The following GRAMD2B variants were observed in gnomAD, a reference collection of about 807,000 sequenced individuals.
GRAMD2B encodes the protein GRAM domain-containing protein 2B.
Under a neutral mutation model 59.2 loss-of-function variants are expected in GRAMD2B, and 41 were observed. The ratio of observed to expected loss-of-function variants is 0.69; its 90% CI spans 0.54 to 0.90. The LOEUF (loss-of-function observed/expected upper bound fraction) is 0.90. Among genes scored for constraint, GRAMD2B ranks in the 40% least tolerant of loss-of-function variants. The pLI is 0.00. For missense variants in GRAMD2B, 424 were observed against 500.5 expected, an observed-to-expected ratio of 0.85 and a Z score of 1.46; for synonymous variants, 161 against 182.7, an observed-to-expected ratio of 0.88 and a Z score of 0.96.
intron 1 of GRAMD2B, among the ~76,000 whole-genome samples, chr5:126,375,117 T>C (rs1309104391): frequency 3.9e-5 from 6 of 152,202 alleles, no homozygotes; most frequent in African/African-American, 1.4e-4. Context: ...TGCATAAAGA[T>C]CTTACACATC....
rs577197303 is a variant in GRAMD2B at position 126,480,655 on chromosome 5, C to T, written c.683C>T (p.Pro228Leu). ...ENTSVGNSPN[P>L]SSAENSFRAD... ...ACAAGTGTTGGTAACAGTCCCAATC[C>T]ATCTTCTGCTGAAAACAGTTTCCGA... The change falls in exon 8 of 14, where the codon CCA (proline) becomes CTA (leucine). Residue 228 changes from proline to leucine, a missense_variant. By Grantham distance (98) the Pro-to-Leu change is moderately conservative. Transcript: ENST00000285689. 1 of 1,614,094 alleles carries T rather than the reference C, an allele frequency of 6.2e-7. No individual in the cohort carries two copies. Among genetic ancestry groups the T allele is most frequent in the East Asian group, 2.2e-5 (1 of 44,884 alleles).
chr5:126,433,109 C>T (rs747509595), intron 1 of GRAMD2B, among the ~76,000 whole-genome samples: 1 of 152,186 alleles, frequency 6.6e-6, no homozygotes, highest in Non-Finnish European at 1.5e-5. Context: ...GAGATTCGAT[C>T]TTCTTTCAAA....
chr5:126,434,581 G>A (rs892650873), intron 1 of GRAMD2B, among the ~76,000 whole-genome samples: 4 of 151,542 alleles, frequency 2.6e-5, no homozygotes, highest in East Asian at 1.9e-4. Flanking sequence ...GCAGTGGTGC[G>A]ATCTTGGCTC....
At chr5:126,399,924 G>C (rs1235684575) in intron 1 of GRAMD2B, among the ~76,000 whole-genome samples, 1 of 151,844 alleles carries the variant, frequency 6.6e-6, no homozygotes, top group Admixed American at 6.6e-5. Context: ...AATCCATTCA[G>C]CCACTCTATG....
At chr5:126,423,404 G>A, upstream of GRAMD2B, 1 of 1,363,998 alleles carries the variant, frequency 7.3e-7, no homozygotes, top group Non-Finnish European at 9.4e-7. Context: ...ACAGTGGGTC[G>A]GACCAATCGC....
intron 3 of GRAMD2B, 38 bp from the exon 4 acceptor site, chr5:126,472,200 G>C: frequency 6.6e-7 from 1 of 1,512,904 alleles, no homozygotes; most frequent in South Asian, 1.1e-5. Context: ...TCACAAGAAA[G>C]TGAGAATGGT....
intron 1 of GRAMD2B, among the ~76,000 whole-genome samples, chr5:126,411,851 T>TGTGTGTGTGTGC (rs1160891262): frequency 1.3e-5 from 2 of 151,836 alleles, no homozygotes; most frequent in Non-Finnish European, 1.5e-5. Flanking sequence ...GGTGTGTGTG[T>TGTGTGTGTGTGC]GTGTGTGTGT....
intron 1 of GRAMD2B, among the ~76,000 whole-genome samples, chr5:126,452,674 T>C (rs1043916274): frequency 6.6e-6 from 1 of 152,178 alleles, no homozygotes; most frequent in African/African-American, 2.4e-5. Flanking sequence ...CTCCTTGGCA[T>C]TCCTGATATA....
chr5:126,425,844 G>C (rs1281592212), intron 1 of GRAMD2B, among the ~76,000 whole-genome samples: 1 of 152,146 alleles, frequency 6.6e-6, no homozygotes, highest in Admixed American at 6.6e-5. Flanking sequence ...GTGGTTTCCA[G>C]GCGCTGGAAG....
chr5:126,458,851 G>A (rs1248493858), intron 1 of GRAMD2B: 1 of 152,136 alleles, frequency 6.6e-6, no homozygotes, highest in African/African-American at 2.4e-5. Context: ...CACCTCACTG[G>A]ACTTCTGACA....
intron 1 of GRAMD2B, among the ~76,000 whole-genome samples, chr5:126,450,162 A>G (rs561114634): frequency 9.2e-5 from 14 of 152,158 alleles, no homozygotes; most frequent in Middle Eastern, 3.4e-3. Flanking sequence ...GAGTGGTAAG[A>G]GGCAGCTCTT....
intron 6 of GRAMD2B, chr5:126,480,143 T>C: frequency 3.9e-6 from 1 of 256,544 alleles, no homozygotes; most frequent in Non-Finnish European, 7.3e-6. Flanking sequence ...TTTCTTAATG[T>C]CCAGGCCTTT....
chr5:126,402,611 T>C (rs1045687699), intron 1 of GRAMD2B, among the ~76,000 whole-genome samples: 3 of 152,032 alleles, frequency 2.0e-5, no homozygotes, highest in African/African-American at 2.4e-5. Context: ...AATTCTGAGA[T>C]AGAAGGGTTA....
upstream of GRAMD2B, among the ~76,000 whole-genome samples, chr5:126,421,302 C>G (rs747241521): frequency 2.6e-5 from 4 of 152,218 alleles, no homozygotes; most frequent in Non-Finnish European, 5.9e-5. Flanking sequence ...TCAGTCTGAT[C>G]TGAGCTCTGT....
intron 1 of GRAMD2B, among the ~76,000 whole-genome samples, chr5:126,375,510 C>G (rs1056521281): frequency 2.3e-4 from 35 of 152,012 alleles, no homozygotes; most frequent in African/African-American, 7.5e-4. Flanking sequence ...GCTGGGACTA[C>G]AGGCGCCTGC....
upstream of GRAMD2B, among the ~76,000 whole-genome samples, chr5:126,422,733 A>C (rs73783690): frequency 0.025 from 3,861 of 152,314 alleles, 169 homozygotes; most frequent in African/African-American, 0.086. Flanking sequence ...TGTCACCAAA[A>C]GGTGGGAAGA....
chr5:126,437,898 C>A (rs879355550), intron 1 of GRAMD2B, among the ~76,000 whole-genome samples: 5 of 152,210 alleles, frequency 3.3e-5, no homozygotes, highest in Admixed American at 1.3e-4. Context: ...AGGAAGCCAG[C>A]ATAGCCTGTG....
intron 6 of GRAMD2B, 38 bp from the exon 7 acceptor site, chr5:126,480,418 G>A: frequency 3.4e-6 from 5 of 1,456,644 alleles, no homozygotes; most frequent in Non-Finnish European, 3.8e-6. Flanking sequence ...TTCTCATCCG[G>A]CAATATCTAT....
At chr5:126,425,502 C>G (rs905717777) in intron 1 of GRAMD2B, among the ~76,000 whole-genome samples, 14 of 152,222 alleles carry the variant, frequency 9.2e-5, no homozygotes, top group Non-Finnish European at 1.5e-4. Context: ...GACTGTGGCT[C>G]ATGCCCATAA....
Sources: gnomAD v4.1 joint callset for allele counts (sites outside exome capture counted in the v4.1 genomes callset) on GRCh38, gnomAD v4.1.1 for gene constraint, MANE v1.5 for transcripts, NCBI Gene and HGNC (gene_info 2026-07-23, HGNC 2026-07-21) for gene names.